SCMH1: variants seen among roughly 807,000 people sequenced by gnomAD.
The protein encoded by SCMH1 is Scm polycomb group protein homolog 1.
In SCMH1, 37 loss-of-function variants were observed where a neutral mutation model predicts 70.8. The ratio of observed to expected loss-of-function variants is 0.52; its 90% confidence interval spans 0.40 to 0.69. The LOEUF (loss-of-function observed/expected upper bound fraction) is 0.69. Ranked by LOEUF, SCMH1 falls within the 30% of genes least tolerant of loss-of-function variation. The probability of loss-of-function intolerance (pLI) is 0.00; values close to 1 mark genes in which losing one functional copy is unlikely to be tolerated. For missense variants in SCMH1, 607 were observed against 827.3 expected (o/e 0.73, Z 3.27); for synonymous variants, 292 against 307.4 (o/e 0.95, Z 0.52).
At chr1:41,092,754 C>G (rs1231990763) in intron 8 of SCMH1, among the ~76,000 whole-genome samples, 1 of 152,122 alleles carries the variant, frequency 6.6e-6, no homozygotes, top group East Asian at 1.9e-4. Context: ...TTTATGCAGC[C>G]AACAGACACA....
intron 1 of SCMH1, among the ~76,000 whole-genome samples, chr1:41,214,793 GA>G (rs1047891054): frequency 9.2e-5 from 14 of 151,988 alleles, no homozygotes; most frequent in Non-Finnish European, 1.3e-4. Flanking sequence ...GTGTCCAAAG[GA>G]AAAAGCTTTA....
chr1:41,069,310 GGTAGTCATTAGAAAAAT>G (rs1655684598), intron 10 of SCMH1, among the ~76,000 whole-genome samples: 1 of 152,018 alleles, frequency 6.6e-6, no homozygotes, highest in African/African-American at 2.4e-5. Flanking sequence ...TTCTAGAGTG[GGTAGTCATTAGAAAAAT>G]AACTAAAAAA....
intron 8 of SCMH1, among the ~76,000 whole-genome samples, chr1:41,088,197 C>A (rs1662303688): frequency 6.6e-6 from 1 of 151,870 alleles, no homozygotes; most frequent in East Asian, 1.9e-4. Flanking sequence ...TAGGAAAACA[C>A]ACATAAATTT....
At chr1:41,130,249 CAGG>C (rs1674309430) in intron 6 of SCMH1, among the ~76,000 whole-genome samples, 1 of 152,166 alleles carries the variant, frequency 6.6e-6, no homozygotes, top group African/African-American at 2.4e-5. Flanking sequence ...AACACAGTTG[CAGG>C]AGTTTTTAAA....
intron 5 of SCMH1, among the ~76,000 whole-genome samples, chr1:41,147,406 G>A (rs535813681): frequency 6.6e-6 from 1 of 152,126 alleles, no homozygotes; most frequent in Admixed American, 6.6e-5. Flanking sequence ...GCCCTTTAGA[G>A]TTTAGGATTT....
chr1:41,122,751 T>C (rs944146831), intron 6 of SCMH1, among the ~76,000 whole-genome samples: 2 of 152,206 alleles, frequency 1.3e-5, no homozygotes, highest in Non-Finnish European at 2.9e-5. Flanking sequence ...AAGTCAGATC[T>C]CTTTTAATTC....
chr1:41,189,040 T>C (rs946011939), intron 1 of SCMH1, among the ~76,000 whole-genome samples: 1 of 152,212 alleles, frequency 6.6e-6, no homozygotes, highest in African/African-American at 2.4e-5. Flanking sequence ...GCAGAACATC[T>C]ACTCACTGTG....
At chr1:41,154,430 G>A (rs1645337507) in intron 4 of SCMH1, among the ~76,000 whole-genome samples, 1 of 152,200 alleles carries the variant, frequency 6.6e-6, no homozygotes, top group Admixed American at 6.5e-5. Flanking sequence ...GTTTACTCAT[G>A]TGAAAGATGA....
intron 13 of SCMH1, among the ~76,000 whole-genome samples, chr1:41,029,480 G>A (rs113848848): frequency 0.013 from 2,050 of 152,264 alleles, 48 homozygotes; most frequent in African/African-American, 0.047. Flanking sequence ...GATTACAGGC[G>A]TGAACCACCG....
intron 6 of SCMH1, among the ~76,000 whole-genome samples, chr1:41,122,359 T>C (rs1274782478): frequency 6.6e-6 from 1 of 152,162 alleles, no homozygotes; most frequent in Non-Finnish European, 1.5e-5. Context: ...AGACATCACT[T>C]CCTCAGAAAG....
chr1:41,220,801 G>A (rs1659096019), intron 1 of SCMH1, among the ~76,000 whole-genome samples: 1 of 152,220 alleles, frequency 6.6e-6, no homozygotes, highest in African/African-American at 2.4e-5. Flanking sequence ...GTAAACTGGT[G>A]TATAAGAGGA....
chr1:41,199,196 T>C (rs1231230879), intron 1 of SCMH1, among the ~76,000 whole-genome samples: 2 of 152,202 alleles, frequency 1.3e-5, no homozygotes, highest in East Asian at 1.9e-4. Flanking sequence ...CAAAAGTGCA[T>C]AAATCATAAG....
chr1:41,083,817 C>A (rs1558728040), intron 8 of SCMH1, among the ~76,000 whole-genome samples: 1 of 151,988 alleles, frequency 6.6e-6, no homozygotes, highest in Non-Finnish European at 1.5e-5. Context: ...TCAGAAATAA[C>A]ACCGCATATC....
intron 8 of SCMH1, among the ~76,000 whole-genome samples, chr1:41,081,062 C>T (rs1367902572): frequency 1.3e-5 from 2 of 152,142 alleles, no homozygotes; most frequent in African/African-American, 2.4e-5. Flanking sequence ...GGAAAGGTCA[C>T]TAGATACAAA....
intron 1 of SCMH1, among the ~76,000 whole-genome samples, chr1:41,237,410 A>C (rs1235901572): frequency 1.3e-5 from 2 of 152,288 alleles, no homozygotes; most frequent in East Asian, 3.9e-4. Flanking sequence ...GGAATTTCTT[A>C]TTTCGTTTAT....
intron 1 of SCMH1, among the ~76,000 whole-genome samples, chr1:41,192,273 T>C (rs1262573882): frequency 6.6e-6 from 1 of 152,092 alleles, no homozygotes; most frequent in Non-Finnish European, 1.5e-5. Context: ...AGTACCTTAC[T>C]CCAAGCTTAA....
rs146308593 is a variant in SCMH1, at chr1:41,173,800, T to C, written c.13+12321A>G. 8.8e-3 allele frequency among the ~76,000 whole-genome samples: 1,340 copies of C among 152,280 alleles called. 14 individuals are homozygous for C. Among genetic ancestry groups the C allele is most frequent in the Non-Finnish European group, 0.013 (912 of 68,000 alleles). ...TTTAGCTATAAAAAGAATGAAATTT[T>C]GTAATTTGTGGCAACATGGATTAGC... On this transcript the variant is annotated intron_variant, in intron 2 of 14. Coordinates refer to ENST00000337495, the Ensembl canonical transcript of SCMH1.
intron 1 of SCMH1, among the ~76,000 whole-genome samples, chr1:41,226,661 C>G (rs1660326693): frequency 6.6e-6 from 1 of 152,056 alleles, no homozygotes; most frequent in Non-Finnish European, 1.5e-5. Context: ...TACTTAAATA[C>G]TAGGTGCTCA....
chr1:41,165,540 C>A (rs1477718390), intron 2 of SCMH1, among the ~76,000 whole-genome samples: 2 of 152,030 alleles, frequency 1.3e-5, no homozygotes, highest in Non-Finnish European at 2.9e-5. Flanking sequence ...GTAATCCTTG[C>A]CAACATTTAT....
Sources: gnomAD v4.1 joint callset for allele counts (sites outside exome capture counted in the v4.1 genomes callset) on GRCh38, gnomAD v4.1.1 for gene constraint, MANE v1.5 for transcripts, NCBI Gene and HGNC (gene_info 2026-07-23, HGNC 2026-07-21) for gene names.